SPAG16: variants seen among roughly 807,000 people sequenced by gnomAD.
The protein encoded by SPAG16 is sperm-associated antigen 16 protein.
Under a neutral mutation model 80.4 loss-of-function variants are expected in SPAG16, and 86 were observed. The ratio of observed to expected loss-of-function variants is 1.07; its 90% confidence interval spans 0.90 to 1.28. SPAG16 has a LOEUF of 1.28. SPAG16 is among the 50% of genes most tolerant of loss of function. The probability of loss-of-function intolerance (pLI) is 0.00; values close to 1 mark genes in which losing one functional copy is unlikely to be tolerated. For synonymous variants in SPAG16, 294 were observed against 265.9 expected (o/e 1.11, Z -1.03); for missense variants, 870 against 765.3 (o/e 1.14, Z -1.61).
At position 213,375,128 on chromosome 2, in the gene SPAG16, T is replaced by G. The variant is rs1426205347; in HGVS notation, c.942+9T>G. The G allele has an allele frequency of 6.4e-7, 1 of 1,557,916 alleles. No homozygotes were observed. Among genetic ancestry groups the G allele is most frequent in the Non-Finnish European group, 8.8e-7 (1 of 1,142,850 alleles). On this transcript the variant is annotated intron_variant, in intron 9 of 15. Coordinates refer to ENST00000331683, the MANE Select transcript of SPAG16 (RefSeq NM_024532.5). The stretch of plus-strand genomic sequence containing the variant: ...TGAAAGGCAATACAAAGGTATGATA[T>G]TTGTTTTTGTTTGCATTAAGTCATA...
intron 11 of SPAG16, among the ~76,000 whole-genome samples, chr2:213,872,508 T>G (rs917399919): frequency 6.6e-6 from 1 of 152,176 alleles, no homozygotes; most frequent in African/African-American, 2.4e-5. Context: ...GACTTCTCTA[T>G]ATACAAGATC....
chr2:213,472,830 G>C (rs2073158614), intron 9 of SPAG16, among the ~76,000 whole-genome samples: 2 of 152,224 alleles, frequency 1.3e-5, no homozygotes, highest in South Asian at 4.1e-4. Context: ...CTCAGAGGCA[G>C]TGACCATTAG....
chr2:213,383,662 G>A (rs758927706), intron 9 of SPAG16, among the ~76,000 whole-genome samples: 2 of 152,122 alleles, frequency 1.3e-5, no homozygotes, highest in African/African-American at 4.8e-5. Context: ...GAGTACATCT[G>A]TAGATAGTCA....
chr2:214,286,442 A>G (rs909055334), intron 15 of SPAG16, among the ~76,000 whole-genome samples: 2 of 151,368 alleles, frequency 1.3e-5, no homozygotes, highest in Non-Finnish European at 2.9e-5. Context: ...GACTAAATAA[A>G]TAGTGTATAA....
At chr2:213,477,440 T>G (rs971170668) in intron 9 of SPAG16, among the ~76,000 whole-genome samples, 4 of 151,974 alleles carry the variant, frequency 2.6e-5, no homozygotes, top group African/African-American at 9.7e-5. Flanking sequence ...GGGAGGGGAG[T>G]TATACCCTGC....
At chr2:213,867,289 G>A (rs4383277) in intron 11 of SPAG16, among the ~76,000 whole-genome samples, 90,417 of 152,080 alleles carry the variant, frequency 0.59, 28,757 homozygotes, top group South Asian at 0.85. Context: ...ATTGAAAATG[G>A]TAAATGAATG....
chr2:213,707,850 T>C (rs2065825250), intron 10 of SPAG16, among the ~76,000 whole-genome samples: 1 of 152,154 alleles, frequency 6.6e-6, no homozygotes, highest in African/African-American at 2.4e-5. Flanking sequence ...GATATACTGA[T>C]ACTGGGGTTT....
At chr2:213,288,153 AG>A (rs1473540391) in intron 1 of SPAG16, among the ~76,000 whole-genome samples, 1 of 152,088 alleles carries the variant, frequency 6.6e-6, no homozygotes, top group African/African-American at 2.4e-5. Context: ...CCTGTGCTCA[AG>A]GCATCCTACT....
chr2:213,635,939 G>A (rs2062345237), intron 10 of SPAG16, among the ~76,000 whole-genome samples: 1 of 152,152 alleles, frequency 6.6e-6, no homozygotes, highest in Non-Finnish European at 1.5e-5. Flanking sequence ...CTGTGCAGAA[G>A]CATTTTAGTT....
intron 11 of SPAG16, among the ~76,000 whole-genome samples, chr2:213,863,069 A>G (rs989726369): frequency 1.9e-4 from 29 of 152,212 alleles, no homozygotes; most frequent in African/African-American, 5.8e-4. Flanking sequence ...ACAAGATATT[A>G]AAAAGAACAA....
chr2:213,560,574 A>T (rs976076274), intron 10 of SPAG16, among the ~76,000 whole-genome samples: 31 of 152,224 alleles, frequency 2.0e-4, no homozygotes, highest in Non-Finnish European at 2.9e-5. Context: ...ATATTCTCAG[A>T]TCCCTTTCTT....
At chr2:213,584,582 G>C (rs1246777190) in intron 10 of SPAG16, among the ~76,000 whole-genome samples, 1 of 150,654 alleles carries the variant, frequency 6.6e-6, no homozygotes, top group East Asian at 1.9e-4. Flanking sequence ...GAAAGAAAAA[G>C]AAATAAAGGA....
intron 9 of SPAG16, among the ~76,000 whole-genome samples, chr2:213,484,470 T>G (rs774734221): frequency 6.6e-6 from 1 of 152,182 alleles, no homozygotes; most frequent in Non-Finnish European, 1.5e-5. Flanking sequence ...GTGTGAAGTT[T>G]GTCAGCGGGT....
intron 9 of SPAG16, among the ~76,000 whole-genome samples, chr2:213,427,498 G>T (rs1004913966): frequency 5.3e-5 from 8 of 152,062 alleles, no homozygotes; most frequent in Non-Finnish European, 8.8e-5. Flanking sequence ...TTTTAAAATG[G>T]TAACTTGGAC....
chr2:213,856,665 T>A (rs1188547776), intron 10 of SPAG16, among the ~76,000 whole-genome samples: 1 of 152,156 alleles, frequency 6.6e-6, no homozygotes, highest in East Asian at 1.9e-4. Context: ...AAGCTGCCAA[T>A]GTTTGGGCCT....
Position 214,181,242 on chromosome 2 carries a change from A to G in SPAG16, c.1720+31976A>G, listed in dbSNP as rs568931287. On this transcript the variant is annotated intron_variant, in intron 15 of 15. Transcript: ENST00000331683. ...ATCTAACATGAGAAATGTGATTTTT[A>G]TATTTTCAATTTGTGTCCCTCTCTG... is the stretch of plus-strand genomic sequence containing the variant. 3.8e-4 allele frequency among the ~76,000 whole-genome samples: 57 copies of G among 151,936 alleles called. 2 individuals carry two copies. In the South Asian group the frequency reaches 0.012, roughly 31 times the overall value.
At chr2:213,878,605 G>C (rs2076228987) in intron 11 of SPAG16, among the ~76,000 whole-genome samples, 1 of 152,120 alleles carries the variant, frequency 6.6e-6, no homozygotes, top group African/African-American at 2.4e-5. Context: ...CCTGCAGGTT[G>C]CCTGTATACT....
At chr2:214,167,826 A>T (rs1365470883) in intron 15 of SPAG16, among the ~76,000 whole-genome samples, 17 of 149,434 alleles carry the variant, frequency 1.1e-4, no homozygotes, top group Non-Finnish European at 8.9e-5. Flanking sequence ...TTTTCATTTT[A>T]GTTATGTACA....
chr2:213,316,299 A>G lies in SPAG16; in HGVS notation c.399-920A>G, dbSNP rs146263481. Among the ~76,000 whole-genome samples, 788 of 152,080 alleles carry G rather than the reference A, an allele frequency of 5.2e-3. 4 individuals are homozygous for G. Among genetic ancestry groups the G allele is most frequent in the African/African-American group, 0.017 (700 of 41,524 alleles). On this transcript the variant is annotated intron_variant, in intron 4 of 15. Coordinates refer to ENST00000331683, the MANE Select transcript of SPAG16 (RefSeq NM_024532.5). ...ACCAACACCTGACAGTTGATCCATC[A>G]GAGAGTCCTGCTGGCCCCACCTTGA...
Sources: gnomAD v4.1 joint callset for allele counts (sites outside exome capture counted in the v4.1 genomes callset) on GRCh38, gnomAD v4.1.1 for gene constraint, MANE v1.5 for transcripts, NCBI Gene and HGNC (gene_info 2026-07-23, HGNC 2026-07-21) for gene names.